The following KCNB2 variants were observed in gnomAD, a reference collection of about 807,000 sequenced individuals.
KCNB2 encodes the protein delayed rectifier potassium channel protein.
In KCNB2, 15 loss-of-function variants were observed where a neutral mutation model predicts 61.5. The ratio of observed to expected loss-of-function variants is 0.24; its 90% CI spans 0.16 to 0.38. The LOEUF (loss-of-function observed/expected upper bound fraction) is 0.38. Among genes scored for constraint, KCNB2 ranks in the 10% least tolerant of loss-of-function variants. The pLI is 1.00. For synonymous variants in KCNB2, 457 were observed against 446.0 expected (o/e 1.02, Z -0.31); for missense variants, 828 against 1,125.2 (o/e 0.74, Z 3.78).
intron 2 of KCNB2, among the ~76,000 whole-genome samples, chr8:72,728,340 T>A (rs1211546158): frequency 6.6e-6 from 1 of 152,212 alleles, no homozygotes; most frequent in Non-Finnish European, 1.5e-5. Flanking sequence ...ACAGAGAAGC[T>A]GATCAAGAAA....
chr8:72,606,320 G>T (rs919812466), intron 2 of KCNB2, among the ~76,000 whole-genome samples: 2 of 152,182 alleles, frequency 1.3e-5, no homozygotes, highest in Middle Eastern at 3.4e-3. Flanking sequence ...ACACTTTGAT[G>T]AATATTTAAT....
intron 2 of KCNB2, among the ~76,000 whole-genome samples, chr8:72,780,700 T>C (rs1344093074): frequency 6.6e-6 from 1 of 152,230 alleles, no homozygotes; most frequent in Admixed American, 6.5e-5. Flanking sequence ...CATGTATCTT[T>C]ATAACAGAAT....
intron 2 of KCNB2, among the ~76,000 whole-genome samples, chr8:72,826,282 G>GTCTATCAAGTAGGAA (rs1809594513): frequency 1.3e-5 from 2 of 152,194 alleles, no homozygotes; most frequent in African/African-American, 4.8e-5. Context: ...AGTAGGAACT[G>GTCTATCAAGTAGGAA]CCGATTATCA....
chr8:72,803,536 A>AT (rs1563389884), intron 2 of KCNB2, among the ~76,000 whole-genome samples: 3 of 152,218 alleles, frequency 2.0e-5, no homozygotes, highest in Admixed American at 1.3e-4. Context: ...ACTAAAATAC[A>AT]TATCAAACTC....
chr8:72,711,644 A>G (rs1807328576), intron 2 of KCNB2, among the ~76,000 whole-genome samples: 1 of 152,222 alleles, frequency 6.6e-6, no homozygotes, highest in Admixed American at 6.5e-5. Flanking sequence ...GACAGAGGGC[A>G]CAGCATGTCC....
intron 1 of KCNB2, among the ~76,000 whole-genome samples, chr8:72,546,351 T>TA (rs925356422): frequency 1.3e-5 from 2 of 151,926 alleles, no homozygotes; most frequent in Non-Finnish European, 2.9e-5. Context: ...CCGTGTCTAC[T>TA]AAAAAAATAC....
At chr8:72,800,376 C>T (rs747419345) in intron 2 of KCNB2, among the ~76,000 whole-genome samples, 20 of 152,122 alleles carry the variant, frequency 1.3e-4, no homozygotes, top group Non-Finnish European at 2.5e-4. Context: ...ATGTTTACAG[C>T]GTTCAACACC....
intron 2 of KCNB2, among the ~76,000 whole-genome samples, chr8:72,710,569 T>C (rs1743832449): frequency 6.6e-6 from 1 of 152,102 alleles, no homozygotes; most frequent in Non-Finnish European, 1.5e-5. Flanking sequence ...AGCAGGCCCA[T>C]GTACCTCAGT....
chr8:72,925,786 C>T (rs558582947), intron 2 of KCNB2, among the ~76,000 whole-genome samples: 26 of 152,222 alleles, frequency 1.7e-4, no homozygotes, highest in Middle Eastern at 3.4e-3. Flanking sequence ...TAAAAATACA[C>T]GCACAAGTAT....
chr8:72,865,130 C>A (rs1166101373), intron 2 of KCNB2, among the ~76,000 whole-genome samples: 1 of 152,184 alleles, frequency 6.6e-6, no homozygotes, highest in Non-Finnish European at 1.5e-5. Flanking sequence ...CTGGGCCTTT[C>A]CCTTTACTTC....
intron 2 of KCNB2, among the ~76,000 whole-genome samples, chr8:72,867,020 C>A (rs1805531564): frequency 6.6e-6 from 1 of 152,200 alleles, no homozygotes; most frequent in South Asian, 2.1e-4. Flanking sequence ...TGTCTTTCAG[C>A]TCTGAGTCCC....
At chr8:72,731,763 G>A (rs2128993569) in intron 2 of KCNB2, among the ~76,000 whole-genome samples, 1 of 152,324 alleles carries the variant, frequency 6.6e-6, no homozygotes, top group East Asian at 1.9e-4. Flanking sequence ...ATCAATATAT[G>A]TCACAGAACT....
chr8:72,793,577 G>T (rs1808979803), intron 2 of KCNB2, among the ~76,000 whole-genome samples: 1 of 152,018 alleles, frequency 6.6e-6, no homozygotes, highest in East Asian at 1.9e-4. Context: ...GCATCTTCCA[G>T]ATCTCTTTAA....
intron 2 of KCNB2, among the ~76,000 whole-genome samples, chr8:72,651,741 G>A (rs2128986474): frequency 6.6e-6 from 1 of 152,130 alleles, no homozygotes; most frequent in South Asian, 2.1e-4. Flanking sequence ...CACTATTAGG[G>A]AGAAATGTAA....
At chr8:72,613,481 A>G (rs7837918) in intron 2 of KCNB2, among the ~76,000 whole-genome samples, 4,218 of 152,346 alleles carry the variant, frequency 0.028, 204 homozygotes, top group African/African-American at 0.097. Flanking sequence ...AAGTAGTTCC[A>G]TGTTTCAGCA....
Position 72,938,006 on chromosome 8 carries a change from A to T in KCNB2, c.2651A>T (p.Lys884Met). 6.2e-7 allele frequency: 1 copy of T among 1,614,196 alleles called. No homozygotes were observed. Among genetic ancestry groups the T allele is most frequent in the Non-Finnish European group, 8.5e-7 (1 of 1,180,022 alleles). ...AAGGACAGTAGTCAAGAAGGGTGCA[A>T]GATGGAAAATCACTTGTTTGCCCCA... ...VKKDSSQEGC[K>M]MENHLFAPEI... is the part of the protein sequence containing the mutation. The change falls in exon 3 of 3, where the codon AAG becomes ATG. Residue 884 changes from lysine (K) to methionine (M), a missense_variant. Physicochemically the swap from Lys to Met is moderately conservative, Grantham distance 95. Transcript: ENST00000523207.
At chr8:72,928,231 C>T (rs1035741821) in intron 2 of KCNB2, among the ~76,000 whole-genome samples, 2 of 144,364 alleles carry the variant, frequency 1.4e-5, no homozygotes, top group Non-Finnish European at 3.0e-5. Flanking sequence ...CTTCTTCTGT[C>T]ACCCAGGCTG....
At chr8:72,868,192 C>T (rs916332735) in intron 2 of KCNB2, among the ~76,000 whole-genome samples, 1 of 151,476 alleles carries the variant, frequency 6.6e-6, no homozygotes, top group Non-Finnish European at 1.5e-5. Flanking sequence ...CTGCCTCAGC[C>T]TCCCAAAGTG....
chr8:72,829,821 A>C lies in KCNB2; in HGVS notation c.580-106114A>C, dbSNP rs113143868. Among the ~76,000 whole-genome samples, 394 of 152,242 alleles carry C rather than the reference A, an allele frequency of 2.6e-3. 2 individuals are homozygous for C. The highest frequency in any genetic ancestry group is 8.9e-3 in the African/African-American group (371 of 41,550). On this transcript the variant is annotated intron_variant, in intron 2 of 2. Transcript: ENST00000523207. ...CCAAAAAAAATGTGTCTGAAATTAAAATGTCTTACTGATTCTTTTTATTAT... is the reference window on the plus strand; with the variant it reads ...CCAAAAAAAATGTGTCTGAAATTAACATGTCTTACTGATTCTTTTTATTAT...
Sources: gnomAD v4.1 joint callset for allele counts (sites outside exome capture counted in the v4.1 genomes callset) on GRCh38, gnomAD v4.1.1 for gene constraint, MANE v1.5 for transcripts, NCBI Gene and HGNC (gene_info 2026-07-23, HGNC 2026-07-21) for gene names.